Variants in GRID2 observed in about 807,000 individuals in gnomAD.
The protein encoded by GRID2 is glutamate ionotropic receptor delta type subunit 2.
A neutral mutation model predicts 114.8 loss-of-function variants in GRID2; 33 were observed. The observed-to-expected ratio is 0.29, with a 90% confidence interval of 0.22 to 0.38. The LOEUF is 0.38. GRID2 is among the 10% of genes least tolerant of loss of function. The pLI, the probability that GRID2 is intolerant of heterozygous loss-of-function variation, is 1.00. For missense variants in GRID2, 1,184 were observed against 1,257.7 expected (o/e 0.94, Z 0.89); for synonymous variants, 505 against 449.9 (o/e 1.12, Z -1.55).
chr4:92,822,247 G>C, intron 2 of GRID2: 1 of 552,506 alleles, frequency 1.8e-6, no homozygotes. Flanking sequence ...AGCATATCAA[G>C]GTGCTTGCCT....
chr4:93,698,046 C>G (rs548887402), intron 14 of GRID2, among the ~76,000 whole-genome samples: 1 of 151,802 alleles, frequency 6.6e-6, no homozygotes, highest in East Asian at 1.9e-4. Flanking sequence ...ACTGCACTTT[C>G]AAAACTCTTA....
intron 13 of GRID2, among the ~76,000 whole-genome samples, chr4:93,535,940 CT>C (rs1165884501): frequency 6.6e-6 from 1 of 151,920 alleles, no homozygotes; most frequent in East Asian, 1.9e-4. Flanking sequence ...GTTGCCTATA[CT>C]TTTGGTGTAA....
At chr4:92,316,511 A>G (rs2110118109) in intron 1 of GRID2, among the ~76,000 whole-genome samples, 1 of 152,256 alleles carries the variant, frequency 6.6e-6, no homozygotes, top group Admixed American at 6.5e-5. Context: ...TGAAACCATA[A>G]CGTGACATTT....
intron 14 of GRID2, among the ~76,000 whole-genome samples, chr4:93,684,364 A>G (rs1313536792): frequency 6.6e-6 from 1 of 152,188 alleles, no homozygotes; most frequent in Non-Finnish European, 1.5e-5. Flanking sequence ...GAGAAAAATC[A>G]GAATATGCTT....
chr4:92,796,502 A>G (rs1304443453), intron 2 of GRID2, among the ~76,000 whole-genome samples: 1 of 151,948 alleles, frequency 6.6e-6, no homozygotes, highest in Non-Finnish European at 1.5e-5. Context: ...AATCCTGATC[A>G]TAAACCCAAC....
At chr4:92,698,234 C>A (rs1734511796) in intron 2 of GRID2, among the ~76,000 whole-genome samples, 1 of 152,130 alleles carries the variant, frequency 6.6e-6, no homozygotes, top group Admixed American at 6.5e-5. Flanking sequence ...GTTCTGATTT[C>A]AGCAATGGTT....
chr4:92,679,288 C>G (rs1199903078), intron 2 of GRID2, among the ~76,000 whole-genome samples: 1 of 151,992 alleles, frequency 6.6e-6, no homozygotes, highest in Non-Finnish European at 1.5e-5. Flanking sequence ...CAGAGAACAT[C>G]TTTCTAGCTT....
chr4:92,596,963 C>T (rs2149216161), intron 2 of GRID2, among the ~76,000 whole-genome samples: 1 of 152,108 alleles, frequency 6.6e-6, no homozygotes, highest in South Asian at 2.1e-4. Flanking sequence ...GCATGCCGTT[C>T]CCCTCTACCT....
intron 2 of GRID2, among the ~76,000 whole-genome samples, chr4:92,719,942 G>A (rs1007194477): frequency 9.9e-5 from 15 of 151,778 alleles, no homozygotes; most frequent in East Asian, 1.9e-4. Context: ...AAGATAATAC[G>A]GTTTTATTAT....
At chr4:92,614,183 G>T (rs139209705) in intron 2 of GRID2, among the ~76,000 whole-genome samples, 1 of 151,412 alleles carries the variant, frequency 6.6e-6, no homozygotes, top group African/African-American at 2.4e-5. Context: ...TTCCTATCCT[G>T]CCTCCTCTCT....
chr4:93,132,063 A>T (rs1734855066), intron 4 of GRID2, among the ~76,000 whole-genome samples: 1 of 152,228 alleles, frequency 6.6e-6, no homozygotes, highest in African/African-American at 2.4e-5. Context: ...GCAATAAAAA[A>T]TTATAAGTAT....
intron 14 of GRID2, among the ~76,000 whole-genome samples, chr4:93,714,877 G>C (rs1323517536): frequency 6.6e-6 from 1 of 152,050 alleles, no homozygotes; most frequent in Non-Finnish European, 1.5e-5. Flanking sequence ...CCATTCTCTA[G>C]ATTGTCTGTT....
chr4:92,593,543 T>C (rs1388743793), intron 2 of GRID2, among the ~76,000 whole-genome samples: 1 of 151,916 alleles, frequency 6.6e-6, no homozygotes, highest in Non-Finnish European at 1.5e-5. Flanking sequence ...AATGAGTTTC[T>C]AGACAGATAC....
intron 8 of GRID2, among the ~76,000 whole-genome samples, chr4:93,377,439 G>C (rs1419129707): frequency 2.0e-5 from 3 of 152,074 alleles, no homozygotes; most frequent in Non-Finnish European, 2.9e-5. Context: ...CTGAGGTTAG[G>C]AGAGCAGGCT....
chr4:92,802,010 A>G (rs567377111), intron 2 of GRID2, among the ~76,000 whole-genome samples: 1 of 152,040 alleles, frequency 6.6e-6, no homozygotes, highest in South Asian at 2.1e-4. Flanking sequence ...AAAACTTCAT[A>G]ATATACTATC....
chr4:93,479,889 A>G (rs909543523), intron 11 of GRID2, among the ~76,000 whole-genome samples: 53 of 152,056 alleles, frequency 3.5e-4, no homozygotes, highest in African/African-American at 1.2e-3. Context: ...GTTGACACCT[A>G]AAATGAGCCA....
chr4:93,402,264 C>A (rs1765968455), intron 9 of GRID2, among the ~76,000 whole-genome samples: 1 of 152,054 alleles, frequency 6.6e-6, no homozygotes, highest in Non-Finnish European at 1.5e-5. Context: ...ACTAGTTTTT[C>A]TGCTTAATTG....
At chr4:93,209,556 A>G (rs1055050753) in intron 5 of GRID2, among the ~76,000 whole-genome samples, 9 of 152,124 alleles carry the variant, frequency 5.9e-5, no homozygotes, top group Non-Finnish European at 1.2e-4. Context: ...TGCAATGGAC[A>G]TAGGCATGCA....
chr4:93,549,734 T>C (rs946827909), intron 13 of GRID2, among the ~76,000 whole-genome samples: 6 of 152,150 alleles, frequency 3.9e-5, no homozygotes, highest in Non-Finnish European at 8.8e-5. Context: ...GGAGAGAACT[T>C]TTCTGCCAAG....
Sources: allele counts gnomAD v4.1 joint callset (sites outside exome capture counted in the v4.1 genomes callset), GRCh38; gene constraint gnomAD v4.1.1; transcripts MANE v1.5; gene names NCBI Gene and HGNC (gene_info 2026-07-23, HGNC 2026-07-21).